Variants in DGKB observed in about 807,000 individuals in gnomAD.
DGKB encodes diacylglycerol kinase beta.
Under a neutral mutation model 114.3 loss-of-function variants are expected in DGKB, and 67 were observed. That is an observed-to-expected ratio of 0.59 (90% CI 0.48 to 0.72). The LOEUF (loss-of-function observed/expected upper bound fraction) is 0.72. Ranked by LOEUF, DGKB falls within the 30% of genes least tolerant of loss-of-function variation. The pLI is 0.00. For missense variants in DGKB, 907 were observed against 975.2 expected (o/e 0.93, Z 0.93); for synonymous variants, 398 against 323.1 (o/e 1.23, Z -2.49).
intron 1 of DGKB, among the ~76,000 whole-genome samples, chr7:14,947,796 G>A (rs994957519): frequency 1.3e-5 from 2 of 151,616 alleles, no homozygotes; most frequent in East Asian, 1.9e-4. Context: ...AGAGCAACAC[G>A]TTCCATAATT....
intron 23 of DGKB, among the ~76,000 whole-genome samples, chr7:14,328,119 A>G (rs927105766): frequency 6.6e-6 from 1 of 152,094 alleles, no homozygotes; most frequent in Non-Finnish European, 1.5e-5. Context: ...ATCTCTTACT[A>G]TTCTTCTAAC....
At chr7:14,630,205 T>C in intron 14 of DGKB, 31 bp downstream of exon 14, 1 of 1,506,528 alleles carries the variant, frequency 6.6e-7, no homozygotes, top group Non-Finnish European at 9.0e-7. Context: ...CCTATAATTT[T>C]AAGTGTGAAA....
intron 17 of DGKB, among the ~76,000 whole-genome samples, chr7:14,606,660 A>T (rs17602660): frequency 0.026 from 3,915 of 152,076 alleles, 75 homozygotes; most frequent in Non-Finnish European, 0.042. Flanking sequence ...CATGTGGTCT[A>T]ATGTTTACCC....
intron 1 of DGKB, among the ~76,000 whole-genome samples, chr7:14,893,803 CCT>C (rs1397306135): frequency 4.6e-5 from 7 of 151,394 alleles, no homozygotes; most frequent in African/African-American, 1.7e-4. Context: ...GTGATTAATT[CCT>C]GAGTCTCTTG....
chr7:14,807,611 A>G (rs988961778), intron 2 of DGKB, among the ~76,000 whole-genome samples: 31 of 152,054 alleles, frequency 2.0e-4, no homozygotes, highest in African/African-American at 7.2e-4. Context: ...CACAAGTGAT[A>G]TAAAACGACG....
intron 19 of DGKB, among the ~76,000 whole-genome samples, chr7:14,576,370 GAAGTAT>G (rs1285335506): frequency 6.6e-6 from 1 of 151,486 alleles, no homozygotes; most frequent in East Asian, 1.9e-4. Context: ...TTTCTTTTAA[GAAGTAT>G]AAGTAATAGC....
Position 14,841,682 on chromosome 7 carries a change from T to C in DGKB, c.-187-232A>G, listed in dbSNP as rs567420709. Among the ~76,000 whole-genome samples, 5 of 152,270 alleles carry C rather than the reference T, an allele frequency of 3.3e-5. No individual in the cohort carries two copies. In the East Asian group the frequency reaches 7.7e-4, roughly 23 times the overall value. The stretch of plus-strand genomic sequence containing the variant: ...TATCATTTTTATCAGTCTGTACCAA[T>C]TTTTTAATATGTAAACATTACATAT... On this transcript the variant is annotated intron_variant, in intron 1 of 25. Transcript: ENST00000402815.
chr7:14,691,099 T>C (rs963079193), intron 9 of DGKB, among the ~76,000 whole-genome samples: 1 of 152,216 alleles, frequency 6.6e-6, no homozygotes, highest in African/African-American at 2.4e-5. Context: ...AAAATAGATA[T>C]TCTTTAAAAT....
chr7:14,919,021 C>G lies in DGKB; in HGVS notation c.-188+55675G>C, dbSNP rs1420514740. On this transcript the variant is annotated intron_variant, in intron 1 of 4. Transcript: ENST00000437998. ...GAGGTTCCAGTGAGCTGTCATGCCA[C>G]TGCACTCCAGCCTGGGTGACAGAGT... 3.3e-5 allele frequency among the ~76,000 whole-genome samples: 5 copies of G among 150,798 alleles called. No homozygotes were observed. The East Asian group carries it at 7.9e-4, about 24-fold the overall frequency.
intron 20 of DGKB, among the ~76,000 whole-genome samples, chr7:14,490,762 C>T (rs1302114170): frequency 2.0e-5 from 3 of 152,062 alleles, no homozygotes; most frequent in East Asian, 1.9e-4. Context: ...ATTTATTCAG[C>T]GCTTCATTCC....
chr7:14,873,106 T>C (rs1852729133), intron 1 of DGKB, among the ~76,000 whole-genome samples: 2 of 152,118 alleles, frequency 1.3e-5, no homozygotes, highest in South Asian at 4.1e-4. Flanking sequence ...AAATATTTTG[T>C]TATCAAAAGG....
intron 12 of DGKB, among the ~76,000 whole-genome samples, chr7:14,677,178 C>T (rs888780847): frequency 3.3e-5 from 5 of 151,416 alleles, no homozygotes; most frequent in African/African-American, 4.9e-5. Context: ...GCATGTGTGC[C>T]AGCATATAGT....
At chr7:14,577,551 A>G (rs965066769) in intron 19 of DGKB, among the ~76,000 whole-genome samples, 1 of 152,106 alleles carries the variant, frequency 6.6e-6, no homozygotes, top group East Asian at 1.9e-4. Flanking sequence ...CGGGGGGCGG[A>G]GCCTGCAGTG....
At chr7:14,152,628 G>A (rs1213695790) in intron 25 of DGKB, among the ~76,000 whole-genome samples, 1 of 151,864 alleles carries the variant, frequency 6.6e-6, no homozygotes, top group African/African-American at 2.4e-5. Context: ...AATTAAGACT[G>A]GCCACTTCAA....
At chr7:14,851,278 G>A (rs985263499) in intron 1 of DGKB, among the ~76,000 whole-genome samples, 2 of 152,198 alleles carry the variant, frequency 1.3e-5, no homozygotes, top group African/African-American at 4.8e-5. Context: ...ATGCAAAAGA[G>A]GAAAATATAG....
At position 14,681,121 on chromosome 7, in the gene DGKB, A is replaced by C. The variant is rs896141540; in HGVS notation, c.1035+1432T>G. Reference sequence around the variant, plus strand: ...TTGTAAATGCTTAGCAAAAAAAAAAACTGGTTTTTAAAAATCTACATGAAT... The same window carrying C: ...TTGTAAATGCTTAGCAAAAAAAAAACCTGGTTTTTAAAAATCTACATGAAT... On this transcript the variant is annotated intron_variant, in intron 12 of 25. Coordinates refer to ENST00000402815, the MANE Select transcript of DGKB (RefSeq NM_001350709.2). 8.7e-5 allele frequency among the ~76,000 whole-genome samples: 13 copies of C among 150,006 alleles called. No individual in the cohort carries two copies. In the East Asian group the frequency reaches 1.6e-3, roughly 19 times the overall value.
At chr7:14,295,539 G>A (rs1020673298) in intron 23 of DGKB, among the ~76,000 whole-genome samples, 1 of 151,788 alleles carries the variant, frequency 6.6e-6, no homozygotes, top group Non-Finnish European at 1.5e-5. Flanking sequence ...GCCTGAGCTT[G>A]GAGCTATGGA....
At chr7:14,948,226 TTTTAAC>T (rs1415039509) in intron 1 of DGKB, among the ~76,000 whole-genome samples, 2 of 151,846 alleles carry the variant, frequency 1.3e-5, no homozygotes, top group African/African-American at 4.8e-5. Flanking sequence ...GGATAATTTA[TTTTAAC>T]TTTATTTATT....
In DGKB at chr7:14,397,135, G is replaced by A. The variant is rs139457853; in HGVS notation, c.1836-51744C>T. Among the ~76,000 whole-genome samples, 151 of 152,136 alleles carry A rather than the reference G, an allele frequency of 9.9e-4. 1 individual carries two copies. Among genetic ancestry groups the A allele is most frequent in the Admixed American group, 9.7e-3 (148 of 15,248 alleles). ...CATGTTTTCTCGCAATTTTACATAG[G>A]TAGACAGGACATGATCTAAATGTTC... is the stretch of plus-strand genomic sequence containing the variant. On this transcript the variant is annotated intron_variant, in intron 21 of 25. Coordinates refer to ENST00000402815, the MANE Select transcript of DGKB (RefSeq NM_001350709.2).
Sources: gnomAD v4.1 joint callset for allele counts (sites outside exome capture counted in the v4.1 genomes callset) on GRCh38, gnomAD v4.1.1 for gene constraint, MANE v1.5 for transcripts, NCBI Gene and HGNC (gene_info 2026-07-23, HGNC 2026-07-21) for gene names.